Variants in FARS2 observed in about 807,000 individuals in gnomAD.
The protein encoded by FARS2 is phenylalanyl-tRNA synthetase 2, mitochondrial, also known as phenylalanine--tRNA ligase, mitochondrial.
In FARS2, 40 loss-of-function variants were observed where a neutral mutation model predicts 46.4. The observed-to-expected ratio is 0.86, with a 90% CI of 0.67 to 1.12. The LOEUF is 1.12. FARS2 is among the 50% of genes most tolerant of loss of function. The probability of loss-of-function intolerance (pLI) is 0.00; values close to 1 mark genes in which losing one functional copy is unlikely to be tolerated. For synonymous variants in FARS2, 234 were observed against 214.9 expected, an observed-to-expected ratio of 1.09 and a Z score of -0.78; for missense variants, 513 against 567.9, an observed-to-expected ratio of 0.90 and a Z score of 0.98.
At chr6:5,719,149 G>A (rs919999835) in intron 6 of FARS2, among the ~76,000 whole-genome samples, 2 of 152,118 alleles carry the variant, frequency 1.3e-5, no homozygotes, top group Non-Finnish European at 2.9e-5. Flanking sequence ...TTGGGAGGCT[G>A]AGGCAAGAGG....
intron 5 of FARS2, among the ~76,000 whole-genome samples, chr6:5,603,897 C>A (rs559847838): frequency 6.6e-6 from 1 of 152,188 alleles, no homozygotes; most frequent in Non-Finnish European, 1.5e-5. Context: ...ACAATGCCAG[C>A]TGTGACATAG....
rs185528275 is a variant in FARS2 at position 5,514,859 on chromosome 6, C to T, written c.905-30321C>T. ...ATGGCTCAACTGCAGCCTCAACCTCCTGGGCTCAAGTGATCATCTTGTCTC... is the reference window on the plus strand; with the variant it reads ...ATGGCTCAACTGCAGCCTCAACCTCTTGGGCTCAAGTGATCATCTTGTCTC... On this transcript the variant is annotated intron_variant, in intron 4 of 6. Coordinates refer to ENST00000274680, the MANE Select transcript of FARS2 (RefSeq NM_006567.5). Among the ~76,000 whole-genome samples, 7 of 151,964 alleles carry T rather than the reference C, an allele frequency of 4.6e-5. No homozygotes were observed. The East Asian group carries it at 5.8e-4, about 13-fold the overall frequency.
At chr6:5,709,433 A>G (rs1342229451) in intron 6 of FARS2, among the ~76,000 whole-genome samples, 1 of 152,146 alleles carries the variant, frequency 6.6e-6, no homozygotes, top group East Asian at 1.9e-4. Flanking sequence ...CTACAGGTAA[A>G]TCTGCCAGTT....
intron 6 of FARS2, among the ~76,000 whole-genome samples, chr6:5,755,941 C>T (rs901473698): frequency 1.2e-4 from 19 of 152,174 alleles, no homozygotes; most frequent in Admixed American, 3.3e-4. Context: ...GCTTCTTCTC[C>T]GTGTTCTTCA....
chr6:5,494,891 A>G (rs1270456847), intron 4 of FARS2, among the ~76,000 whole-genome samples: 1 of 152,238 alleles, frequency 6.6e-6, no homozygotes, highest in African/African-American at 2.4e-5. Context: ...GCAATCGAAA[A>G]TAACTCTATT....
chr6:5,330,896 A>G (rs1302412614), intron 1 of FARS2, among the ~76,000 whole-genome samples: 1 of 152,076 alleles, frequency 6.6e-6, no homozygotes. Context: ...GCTTGAACTC[A>G]GGAGTTCTAG....
At chr6:5,467,268 G>C in intron 4 of FARS2, 1 of 189,910 alleles carries the variant, frequency 5.3e-6, no homozygotes, top group Non-Finnish European at 9.7e-6. Context: ...CCTTAAATGG[G>C]CATTTTAAGG....
At chr6:5,569,996 C>G (rs562877414) in intron 5 of FARS2, among the ~76,000 whole-genome samples, 1 of 152,322 alleles carries the variant, frequency 6.6e-6, no homozygotes, top group Non-Finnish European at 1.5e-5. Context: ...ATGCTGGACT[C>G]TTTAAGGATC....
At chr6:5,421,561 A>G (rs1428568241) in intron 3 of FARS2, among the ~76,000 whole-genome samples, 2 of 152,154 alleles carry the variant, frequency 1.3e-5, no homozygotes, top group Non-Finnish European at 2.9e-5. Context: ...TGCTTTCCTT[A>G]TAAAGCCAAA....
chr6:5,523,942 A>G (rs1374241017), intron 4 of FARS2, among the ~76,000 whole-genome samples: 8 of 152,222 alleles, frequency 5.3e-5, no homozygotes, highest in South Asian at 4.1e-4. Flanking sequence ...GGGAAAGGCA[A>G]TTATCTAATG....
chr6:5,700,387 T>C lies in FARS2; in HGVS notation c.1218-70904T>C, dbSNP rs1407590615. On this transcript the variant is annotated intron_variant, in intron 6 of 6. Transcript: ENST00000274680. ...AAACTGAGGAGCTTTTAAAAATATA[T>C]ATATCTCAGTAGCAGTGGCAATTTC... 1.3e-4 allele frequency among the ~76,000 whole-genome samples: 20 copies of C among 152,166 alleles called. No homozygotes were observed. In the South Asian group the frequency reaches 3.5e-3, roughly 27 times the overall value.
rs149145102 is a variant in FARS2 at position 5,683,675 on chromosome 6, C to T, written c.1217+70355C>T. 6.8e-3 allele frequency among the ~76,000 whole-genome samples: 1,033 copies of T among 151,756 alleles called. 9 individuals carry two copies. Among genetic ancestry groups the T allele is most frequent in the African/African-American group, 0.021 (886 of 41,348 alleles). On this transcript the variant is annotated intron_variant, in intron 6 of 6. Transcript: ENST00000274680. ...ACTGCAAGTTATTTACATAGGTATACATGTGCCATGGTGGTTTGCTGCACC... is the reference window on the plus strand; with the variant it reads ...ACTGCAAGTTATTTACATAGGTATATATGTGCCATGGTGGTTTGCTGCACC...
chr6:5,648,452 G>A (rs1160233646), intron 6 of FARS2, among the ~76,000 whole-genome samples: 1 of 152,170 alleles, frequency 6.6e-6, no homozygotes, highest in Non-Finnish European at 1.5e-5. Context: ...AGGGTTCTCT[G>A]CATCCTGAGT....
rs1772651816 is a variant in FARS2, at chr6:5,571,590, C to A, written c.1065+26250C>A. Among the ~76,000 whole-genome samples the A allele has an allele frequency of 3.3e-5, 5 of 152,222 alleles. No homozygotes were observed. In the South Asian group the frequency reaches 1.0e-3, roughly 32 times the overall value. ...TATCATCTGTCACCTCCTGATCATC[C>A]CTTCTGTGTCATCTAGTGGCTCTAG... On this transcript the variant is annotated intron_variant, in intron 5 of 6. Transcript: ENST00000274680.
intron 6 of FARS2, among the ~76,000 whole-genome samples, chr6:5,625,820 C>T (rs73360256): frequency 0.012 from 1,889 of 152,248 alleles, 45 homozygotes; most frequent in African/African-American, 0.042. Flanking sequence ...GATGGTGAGC[C>T]GCTGGCCAGG....
intron 4 of FARS2, among the ~76,000 whole-genome samples, chr6:5,498,464 G>T (rs865918488): frequency 6.6e-6 from 1 of 152,064 alleles, no homozygotes; most frequent in Non-Finnish European, 1.5e-5. Flanking sequence ...ATCATAAAAC[G>T]TAAGTGTTTC....
chr6:5,295,760 A>G (rs1161902353), intron 1 of FARS2, among the ~76,000 whole-genome samples: 5 of 152,208 alleles, frequency 3.3e-5, no homozygotes, highest in Non-Finnish European at 7.3e-5. Flanking sequence ...TGGCTTCTTC[A>G]TCTTCATCCT....
At chr6:5,483,127 C>G (rs571230728) in intron 4 of FARS2, among the ~76,000 whole-genome samples, 1 of 152,136 alleles carries the variant, frequency 6.6e-6, no homozygotes, top group Non-Finnish European at 1.5e-5. Context: ...GATAGATACC[C>G]CAAACTGCTG....
chr6:5,596,167 A>G (rs1218009071), intron 5 of FARS2, among the ~76,000 whole-genome samples: 1 of 152,202 alleles, frequency 6.6e-6, no homozygotes, highest in Non-Finnish European at 1.5e-5. Flanking sequence ...CCACCGTTAT[A>G]CATTCAGCAT....
Sources: allele counts gnomAD v4.1 joint callset (sites outside exome capture counted in the v4.1 genomes callset), GRCh38; gene constraint gnomAD v4.1.1; transcripts MANE v1.5; gene names NCBI Gene and HGNC (gene_info 2026-07-23, HGNC 2026-07-21).